The following ZDHHC11B variants were observed in gnomAD, a reference collection of about 807,000 sequenced individuals.
The protein encoded by ZDHHC11B is zDHHC palmitoyltransferase 11B (putative).
In ZDHHC11B, 17 loss-of-function variants were observed where a neutral mutation model predicts 42.3. The observed-to-expected ratio is 0.40, with a 90% CI of 0.27 to 0.60. The LOEUF (loss-of-function observed/expected upper bound fraction) is 0.60. ZDHHC11B is among the 20% of genes least tolerant of loss of function. The probability of loss-of-function intolerance (pLI) is 0.41; values close to 1 mark genes in which losing one functional copy is unlikely to be tolerated. For missense variants in ZDHHC11B, 262 were observed against 463.2 expected (o/e 0.57, Z 3.99); for synonymous variants, 123 against 193.5 (o/e 0.64, Z 3.02).
intron 8 of ZDHHC11B, among the ~76,000 whole-genome samples, chr5:746,976 G>T (rs1383572915): frequency 8.1e-6 from 1 of 123,046 alleles, no homozygotes; most frequent in Non-Finnish European, 1.8e-5. Context: ...GCATCTGAGG[G>T]TGAGAGATTT....
Position 710,921 on chromosome 5 carries a change from T to A in ZDHHC11B, c.*1369A>T, listed in dbSNP as rs1447860479. ...ACTGTGCTCCCATTTCCCAATGCTA[T>A]GCTCCCATTTCCCAGTGCTGTGAGC... On this transcript the variant is annotated 3_prime_UTR_variant, in exon 14 of 14. Coordinates refer to ENST00000508859, the MANE Select transcript of ZDHHC11B (RefSeq NM_001351303.2). The A allele has an allele frequency of 2.7e-5, 1 of 37,320 alleles. No homozygotes were observed. Among genetic ancestry groups the A allele is most frequent in the Non-Finnish European group, 5.8e-5 (1 of 17,286 alleles). 2.3% of individuals were successfully genotyped at this position (37,320 alleles called of 1,614,324 possible). A position where few individuals can be genotyped will look rare whatever the true frequency, so the allele number is the denominator to read the frequency against.
At chr5:721,002 T>C (rs1742140176) in intron 12 of ZDHHC11B, among the ~76,000 whole-genome samples, 3 of 151,704 alleles carry the variant, frequency 2.0e-5, no homozygotes, top group Non-Finnish European at 4.4e-5. Flanking sequence ...TCCTAGTTAC[T>C]TGGAAGGTTG....
chr5:779,366 G>A (rs1428848901), intron 1 of ZDHHC11B, among the ~76,000 whole-genome samples: 2 of 150,156 alleles, frequency 1.3e-5, no homozygotes, highest in Non-Finnish European at 3.0e-5. Flanking sequence ...GACACAGCGG[G>A]TGGGACCAGA....
At chr5:783,596 G>A (rs1737016957) in intron 1 of ZDHHC11B, among the ~76,000 whole-genome samples, 1 of 152,162 alleles carries the variant, frequency 6.6e-6, no homozygotes, top group Admixed American at 6.5e-5. Context: ...CACTGAGAGG[G>A]AACGCAACAC....
chr5:716,681 A>G, intron 13 of ZDHHC11B, 120 bp downstream of exon 13: 1 of 1,300,184 alleles, frequency 7.7e-7, no homozygotes, highest in Non-Finnish European at 1.1e-6. Flanking sequence ...ATCAAGAGAC[A>G]AACGACAAGC....
intron 8 of ZDHHC11B, among the ~76,000 whole-genome samples, chr5:745,735 G>T (rs1373672505): frequency 6.7e-6 from 1 of 150,192 alleles, no homozygotes; most frequent in African/African-American, 2.4e-5. Context: ...GGTGGCCTGT[G>T]GGGTTCCCCA....
chr5:763,251 C>G (rs1734848627), intron 4 of ZDHHC11B, among the ~76,000 whole-genome samples: 2 of 151,390 alleles, frequency 1.3e-5, no homozygotes, highest in South Asian at 4.2e-4. Context: ...CACCTGTAGT[C>G]CCAGATACTC....
At chr5:725,887 C>T (rs1680901427) in intron 12 of ZDHHC11B, among the ~76,000 whole-genome samples, 1 of 152,270 alleles carries the variant, frequency 6.6e-6, no homozygotes, top group South Asian at 2.1e-4. Context: ...ATGACGCTTA[C>T]ATGGAAAGCA....
chr5:778,312 C>T (rs1326133304), intron 1 of ZDHHC11B, among the ~76,000 whole-genome samples: 6 of 151,504 alleles, frequency 4.0e-5, no homozygotes, highest in Non-Finnish European at 7.4e-5. Flanking sequence ...GCTGCAGATG[C>T]GGTGGGACCT....
chr5:756,216 G>T (rs1733804903), intron 4 of ZDHHC11B, 72 bp from the exon 5 acceptor site: 3 of 1,520,368 alleles, frequency 2.0e-6, no homozygotes, highest in Non-Finnish European at 2.7e-6. Flanking sequence ...GAGGCCCAAG[G>T]TCCCAGAAGA....
rs1053254680 is a variant in ZDHHC11B at position 732,876 on chromosome 5, C to T, written c.1023+876G>A. Among the ~76,000 whole-genome samples, 6 of 151,808 alleles carry T rather than the reference C, an allele frequency of 4.0e-5. 1 individual carries two copies. Among genetic ancestry groups the T allele is most frequent in the African/African-American group, 1.5e-4 (6 of 41,198 alleles). ...AAGCCTGGACAAGAGAGTGAGATCC[C>T]ATCTCTTAAGAAATAAAAAACAAAA... On this transcript the variant is annotated intron_variant, in intron 11 of 13. Coordinates refer to ENST00000508859, the MANE Select transcript of ZDHHC11B (RefSeq NM_001351303.2).
rs373498754 is a variant in ZDHHC11B at position 746,265 on chromosome 5, A to G, written c.785-967T>C. On this transcript the variant is annotated intron_variant, in intron 8 of 13. Coordinates refer to ENST00000508859, the MANE Select transcript of ZDHHC11B (RefSeq NM_001351303.2). ...CGGCCGCCCACAGAGGCCTATTTGC[A>G]GTGAGGAGCAGATGGCGGTGGGCAC... is the stretch of plus-strand genomic sequence containing the variant. 4.4e-3 allele frequency among the ~76,000 whole-genome samples: 642 copies of G among 146,252 alleles called. 11 individuals are homozygous for G. Among genetic ancestry groups the G allele is most frequent in the African/African-American group, 0.015 (618 of 40,444 alleles).
intron 1 of ZDHHC11B, among the ~76,000 whole-genome samples, chr5:777,868 C>T (rs1297882248): frequency 3.3e-5 from 5 of 151,700 alleles, no homozygotes; most frequent in African/African-American, 7.3e-5. Flanking sequence ...CCGGCGGGGG[C>T]GGCGCCCTTC....
At chr5:758,385 G>A (rs577427882) in intron 4 of ZDHHC11B, among the ~76,000 whole-genome samples, 42 of 152,054 alleles carry the variant, frequency 2.8e-4, no homozygotes, top group Admixed American at 9.8e-4. Flanking sequence ...CGCCACATCC[G>A]ACTGCAGCCT....
intron 1 of ZDHHC11B, among the ~76,000 whole-genome samples, chr5:775,230 T>A (rs1307306953): frequency 2.0e-5 from 3 of 151,938 alleles, no homozygotes; most frequent in Non-Finnish European, 4.4e-5. Context: ...CAGCTCCACC[T>A]GCTCTGGAGA....
At chr5:748,345 A>T in intron 8 of ZDHHC11B, 59 bp downstream of exon 8, 2 of 1,020,354 alleles carry the variant, frequency 2.0e-6, no homozygotes, top group Non-Finnish European at 2.7e-6. Context: ...GAGGTGTAAG[A>T]TGAGCAGCTC....
At chr5:726,519 TGAA>T (rs903090560) in intron 12 of ZDHHC11B, among the ~76,000 whole-genome samples, 3 of 135,894 alleles carry the variant, frequency 2.2e-5, no homozygotes, top group Admixed American at 7.4e-5. Context: ...TTGAATGAAA[TGAA>T]GAAGGCTTCC....
At position 767,544 on chromosome 5, in the gene ZDHHC11B, G is replaced by C; in HGVS notation, c.-133-20C>G. On this transcript the variant is annotated intron_variant, in intron 2 of 13. Coordinates refer to ENST00000508859, the MANE Select transcript of ZDHHC11B (RefSeq NM_001351303.2). ...AGGTGACTGGGAGGAAGAGGAGAAA[G>C]AGAGCATCACTGGACTCACTGGAAG... The C allele has an allele frequency of 1.4e-6, 2 of 1,427,374 alleles. No individual in the cohort carries two copies. Among genetic ancestry groups the C allele is most frequent in the South Asian group, 1.2e-5 (1 of 80,812 alleles). 88.4% of individuals were successfully genotyped at this position (1,427,374 alleles called of 1,614,324 possible).
intron 6 of ZDHHC11B, among the ~76,000 whole-genome samples, chr5:753,162 C>T (rs1746013924): frequency 7.7e-6 from 1 of 129,570 alleles, no homozygotes; most frequent in East Asian, 3.0e-4. Context: ...ACGAAGTATG[C>T]AGCCTCCCTC....
Sources: allele counts gnomAD v4.1 joint callset (sites outside exome capture counted in the v4.1 genomes callset), GRCh38; gene constraint gnomAD v4.1.1; transcripts MANE v1.5; gene names NCBI Gene and HGNC (gene_info 2026-07-23, HGNC 2026-07-21).